Variants in AMELY observed in about 807,000 individuals in gnomAD.
The protein encoded by AMELY is amelogenin, Y isoform.
AMELY carries 4 observed loss-of-function variants against 4.2 expected under a neutral mutation model. The ratio of observed to expected loss-of-function variants is 0.96; its 90% CI spans 0.47 to 2.19. The LOEUF is 2.19. AMELY is among the 30% of genes most tolerant of loss of function. The pLI, the probability that AMELY is intolerant of heterozygous loss-of-function variation, is 0.02. For missense variants in AMELY, 32 were observed against 41.5 expected, an observed-to-expected ratio of 0.77 and a Z score of 0.63; for synonymous variants, 11 against 14.7, an observed-to-expected ratio of 0.75 and a Z score of 0.57.
chrY:6,899,500 C>T (rs1603023046), intron 1 of AMELY, among the ~76,000 whole-genome samples: 2 of 31,463 alleles, frequency 6.4e-5, no homozygotes, highest in Non-Finnish European at 1.5e-4. Flanking sequence ...CCGAGGCGGG[C>T]GGATCACCTG....
intron 1 of AMELY, among the ~76,000 whole-genome samples, chrY:6,907,379 C>CAAAAAAAA (rs780119415): frequency 9.4e-5 from 2 of 21,359 alleles, no homozygotes; most frequent in African/African-American, 5.9e-4. Flanking sequence ...ACTCTGTCTC[C>CAAAAAAAA]AAAAAAAAAA....
intron 1 of AMELY, among the ~76,000 whole-genome samples, chrY:6,888,461 A>G: frequency 6.0e-5 from 2 of 33,557 alleles, no homozygotes; most frequent in African/African-American, 2.3e-4. Context: ...TCTGAATAAC[A>G]GAGTTTTCTT....
chrY:6,886,286 T>A, intron 1 of AMELY, among the ~76,000 whole-genome samples: 1 of 34,005 alleles, frequency 2.9e-5, no homozygotes, highest in African/African-American at 1.1e-4. Context: ...AATAAAAATT[T>A]CACCAGAATG....
chrY:6,906,758 G>A, intron 1 of AMELY, among the ~76,000 whole-genome samples: 1 of 31,417 alleles, frequency 3.2e-5, no homozygotes, highest in Non-Finnish European at 7.7e-5. Flanking sequence ...GTCTAACATC[G>A]TTTCTTTTTT....
chrY:6,905,460 CTCTT>C (rs370680103), intron 1 of AMELY, among the ~76,000 whole-genome samples: 272 of 31,197 alleles, frequency 8.7e-3, no homozygotes, highest in South Asian at 0.076. Flanking sequence ...TTCTTTCTTT[CTCTT>C]TCTTTCTTTC....
intron 1 of AMELY, among the ~76,000 whole-genome samples, chrY:6,876,499 T>C (rs781045540): frequency 1.1e-3 from 36 of 32,959 alleles, no homozygotes; most frequent in African/African-American, 4.0e-3. Flanking sequence ...TTAAGGTAGC[T>C]TGCCCAGCCA....
chrY:6,881,689 G>C, intron 1 of AMELY, among the ~76,000 whole-genome samples: 1 of 33,113 alleles, frequency 3.0e-5, no homozygotes, highest in Non-Finnish European at 7.5e-5. Context: ...TGTATATTTA[G>C]AAAACCCCAT....
intron 1 of AMELY, among the ~76,000 whole-genome samples, chrY:6,882,294 A>G: frequency 3.0e-5 from 1 of 32,916 alleles, no homozygotes; most frequent in Admixed American, 2.8e-4. Context: ...TACACCACAT[A>G]TCTACAACCA....
At chrY:6,892,041 C>T in intron 1 of AMELY, among the ~76,000 whole-genome samples, 7 of 34,254 alleles carry the variant, frequency 2.0e-4, no homozygotes, top group Admixed American at 1.8e-3. Flanking sequence ...GAAAGACTAC[C>T]AAAAACAAAG....
intron 1 of AMELY, among the ~76,000 whole-genome samples, chrY:6,883,280 T>C (rs2054076421): frequency 3.0e-5 from 1 of 32,842 alleles, no homozygotes; most frequent in African/African-American, 1.2e-4. Flanking sequence ...AAGTGGTGAG[T>C]TCATGTCCTT....
intron 1 of AMELY, among the ~76,000 whole-genome samples, chrY:6,904,637 G>A (rs554327377): frequency 1.8e-4 from 6 of 33,331 alleles, no homozygotes; most frequent in African/African-American, 7.0e-4. Flanking sequence ...AGGGTGGCAG[G>A]GGTGGAGACC....
chrY:6,894,414 T>C, intron 1 of AMELY, among the ~76,000 whole-genome samples: 1 of 33,829 alleles, frequency 3.0e-5, no homozygotes, highest in East Asian at 7.9e-4. Context: ...TGGATATAAC[T>C]TATCTGGTTC....
At chrY:6,888,601 G>C in intron 1 of AMELY, among the ~76,000 whole-genome samples, 1 of 32,666 alleles carries the variant, frequency 3.1e-5, no homozygotes, top group Non-Finnish European at 7.4e-5. Flanking sequence ...CAAGTGCAGT[G>C]GCTCATGCCT....
intron 2 of AMELY, among the ~76,000 whole-genome samples, chrY:6,873,277 G>C: frequency 3.0e-5 from 1 of 32,992 alleles, no homozygotes; most frequent in African/African-American, 1.2e-4. Flanking sequence ...TGAATTTATT[G>C]ATTCTTCAGT....
chrY:6,907,631 G>A, intron 1 of AMELY, among the ~76,000 whole-genome samples: 1 of 31,440 alleles, frequency 3.2e-5, no homozygotes. Context: ...TAGTTGAGGT[G>A]GGGTGCTATG....
chrY:6,877,949 A>T, intron 1 of AMELY, among the ~76,000 whole-genome samples: 1 of 32,100 alleles, frequency 3.1e-5, no homozygotes, highest in Non-Finnish European at 7.7e-5. Context: ...AATCAAAGCC[A>T]AATGTCTCAA....
chrY:6,887,826 C>T, intron 1 of AMELY, among the ~76,000 whole-genome samples: 1 of 33,045 alleles, frequency 3.0e-5, no homozygotes, highest in Non-Finnish European at 7.4e-5. Flanking sequence ...TCATCTATGT[C>T]CCTGCAATTC....
At chrY:6,885,250 G>C (rs368818579) in intron 1 of AMELY, among the ~76,000 whole-genome samples, 233 of 32,715 alleles carry the variant, frequency 7.1e-3, no homozygotes, top group East Asian at 0.064. Flanking sequence ...GAGGCCAAGG[G>C]GGGCGGATCA....
At chrY:6,908,031 G>A in intron 1 of AMELY, among the ~76,000 whole-genome samples, 2 of 32,530 alleles carry the variant, frequency 6.1e-5, no homozygotes, top group Non-Finnish European at 1.5e-4. Flanking sequence ...AAGTGGAGAC[G>A]GGGTTTCACC....
Sources: allele counts gnomAD v4.1 joint callset (sites outside exome capture counted in the v4.1 genomes callset), GRCh38; gene constraint gnomAD v4.1.1; transcripts MANE v1.5; gene names NCBI Gene and HGNC (gene_info 2026-07-23, HGNC 2026-07-21).